The following ZNF609 variants were observed in gnomAD, a reference collection of about 807,000 sequenced individuals.
ZNF609 encodes zinc finger protein 609.
ZNF609 carries 11 observed loss-of-function variants against 109.5 expected under a neutral mutation model. That is an observed-to-expected ratio of 0.10 (90% CI 0.06 to 0.17). The LOEUF (loss-of-function observed/expected upper bound fraction) is 0.17, where lower values mean the gene tolerates loss of function less well. Ranked by LOEUF, ZNF609 falls within the 10% of genes least tolerant of loss-of-function variation. The pLI is 1.00. For synonymous variants in ZNF609, 646 were observed against 662.0 expected (o/e 0.98, Z 0.37); for missense variants, 1,559 against 1,772.4 (o/e 0.88, Z 2.16).
intron 2 of ZNF609, among the ~76,000 whole-genome samples, chr15:64,554,012 G>A (rs1452147492): frequency 6.6e-6 from 1 of 152,132 alleles, no homozygotes; most frequent in African/African-American, 2.4e-5. Context: ...AGACAATCAT[G>A]TCATTTTCAG....
chr15:64,556,499 C>T (rs1466307470), intron 2 of ZNF609, among the ~76,000 whole-genome samples: 1 of 152,050 alleles, frequency 6.6e-6, no homozygotes, highest in Non-Finnish European at 1.5e-5. Flanking sequence ...TTATTTAACC[C>T]TCATGACAAT....
At chr15:64,670,926 G>A (rs1896717033) in intron 4 of ZNF609, among the ~76,000 whole-genome samples, 1 of 149,192 alleles carries the variant, frequency 6.7e-6, no homozygotes, top group South Asian at 2.1e-4. Flanking sequence ...AAGTGTTCGG[G>A]GGGCCGGGTA....
At chr15:64,636,258 C>T (rs1266316660) in intron 3 of ZNF609, among the ~76,000 whole-genome samples, 2 of 152,170 alleles carry the variant, frequency 1.3e-5, no homozygotes, top group African/African-American at 4.8e-5. Flanking sequence ...TCTACTATCC[C>T]TGTGCTTACT....
At chr15:64,541,381 C>G (rs1208134562) in intron 2 of ZNF609, among the ~76,000 whole-genome samples, 2 of 145,550 alleles carry the variant, frequency 1.4e-5, no homozygotes, top group Non-Finnish European at 3.0e-5. Flanking sequence ...GAGCCGAGAT[C>G]GCGCCACTGC....
At chr15:64,623,803 G>C (rs772151455) in intron 3 of ZNF609, among the ~76,000 whole-genome samples, 8 of 152,158 alleles carry the variant, frequency 5.3e-5, no homozygotes, top group Non-Finnish European at 8.8e-5. Context: ...GGTAACATCT[G>C]GTGGCAATTT....
chr15:64,562,242 C>T lies in ZNF609; in HGVS notation c.748-60585C>T, dbSNP rs568792327. ...TGGCCCCAAAATGATTGTCAAAGTT[C>T]TGTTCACTTAAATTCACTGTAATTA... is the stretch of plus-strand genomic sequence containing the variant. On this transcript the variant is annotated intron_variant, in intron 2 of 9. Transcript: ENST00000326648. 5.3e-5 allele frequency among the ~76,000 whole-genome samples: 8 copies of T among 152,346 alleles called. No individual in the cohort carries two copies. In the South Asian group the frequency reaches 1.7e-3, roughly 32 times the overall value.
At chr15:64,630,671 T>G (rs1896058552) in intron 3 of ZNF609, among the ~76,000 whole-genome samples, 1 of 151,800 alleles carries the variant, frequency 6.6e-6, no homozygotes, top group Admixed American at 6.6e-5. Context: ...TTTCACCGTG[T>G]TAGCCAGGCT....
chr15:64,564,843 GTT>G (rs751830681), intron 2 of ZNF609, among the ~76,000 whole-genome samples: 3 of 138,522 alleles, frequency 2.2e-5, no homozygotes, highest in Non-Finnish European at 3.1e-5. Flanking sequence ...CTCACTAACT[GTT>G]TTTTTTTTTT....
At chr15:64,670,265 C>G in intron 3 of ZNF609, 81 bp from the exon 4 acceptor site, 1 of 1,153,756 alleles carries the variant, frequency 8.7e-7, no homozygotes, top group Non-Finnish European at 1.3e-6. Context: ...TTATAGAAGT[C>G]AGAGTGCTGA....
intron 2 of ZNF609, among the ~76,000 whole-genome samples, chr15:64,572,033 TG>T (rs1378465129): frequency 1.3e-5 from 2 of 152,148 alleles, no homozygotes; most frequent in African/African-American, 4.8e-5. Context: ...CTTAAGGAAG[TG>T]ACATTTAGGC....
rs2083226050 is a variant in ZNF609 at position 64,683,887 on chromosome 15, C to T, written c.*2201C>T. 6.6e-6 allele frequency: 1 copy of T among 152,224 alleles called. No individual in the cohort carries two copies. 9.4% of individuals were successfully genotyped at this position (152,224 alleles called of 1,614,324 possible). A position where few individuals can be genotyped will look rare whatever the true frequency, so the allele number is the denominator to read the frequency against. On this transcript the variant is annotated 3_prime_UTR_variant, in exon 10 of 10. Transcript: ENST00000326648. ...GGCAGGCATGGCCCTGCATTCCTGC[C>T]CTTTCCACTCATTCTGTAACACAGA...
At chr15:64,596,871 C>G (rs1895406060) in intron 2 of ZNF609, among the ~76,000 whole-genome samples, 3 of 152,188 alleles carry the variant, frequency 2.0e-5, no homozygotes, top group South Asian at 2.1e-4. Flanking sequence ...TGCCCTTACA[C>G]CTCTACTGAC....
chr15:64,461,140 G>C (rs1309896109), intron 1 of ZNF609, among the ~76,000 whole-genome samples: 1 of 148,220 alleles, frequency 6.7e-6, no homozygotes, highest in Non-Finnish European at 1.5e-5. Context: ...TATGGGAGCA[G>C]GCCAGAGAGT....
chr15:64,506,953 A>G (rs959157242), intron 2 of ZNF609, among the ~76,000 whole-genome samples: 4 of 152,206 alleles, frequency 2.6e-5, no homozygotes, highest in African/African-American at 9.6e-5. Context: ...TTTTAGCACT[A>G]TGGTCTGAAG....
At chr15:64,600,239 A>G (rs1045172669) in intron 2 of ZNF609, among the ~76,000 whole-genome samples, 2 of 151,924 alleles carry the variant, frequency 1.3e-5, no homozygotes, top group Non-Finnish European at 2.9e-5. Context: ...TCACGAGGTC[A>G]GGAGATCGAG....
At chr15:64,667,396 C>T (rs1220570219) in intron 3 of ZNF609, among the ~76,000 whole-genome samples, 2 of 152,128 alleles carry the variant, frequency 1.3e-5, no homozygotes, top group Non-Finnish European at 2.9e-5. Context: ...GATTTATTGT[C>T]TTGATATATT....
chr15:64,580,668 A>G (rs1280238368), intron 2 of ZNF609, among the ~76,000 whole-genome samples: 2 of 151,378 alleles, frequency 1.3e-5, no homozygotes, highest in South Asian at 2.1e-4. Context: ...CAGCCTCCCG[A>G]GTAACTGGGA....
At chr15:64,563,221 A>G (rs1422079191) in intron 2 of ZNF609, among the ~76,000 whole-genome samples, 2 of 151,960 alleles carry the variant, frequency 1.3e-5, no homozygotes, top group Non-Finnish European at 1.5e-5. Context: ...AGGCCAAGGT[A>G]GGAGGATCAC....
chr15:64,577,008 G>GTATATATATACATAAATATATA (rs1567019051), intron 2 of ZNF609, among the ~76,000 whole-genome samples: 1 of 112,332 alleles, frequency 8.9e-6, no homozygotes, highest in East Asian at 2.2e-4. Context: ...ATATATATAT[G>GTATATATATACATAAATATATA]TATGTATACA....
Sources: allele counts gnomAD v4.1 joint callset (sites outside exome capture counted in the v4.1 genomes callset), GRCh38; gene constraint gnomAD v4.1.1; transcripts MANE v1.5; gene names NCBI Gene and HGNC (gene_info 2026-07-23, HGNC 2026-07-21).